The following YES1 variants were observed in gnomAD, a reference collection of about 807,000 sequenced individuals.
The protein encoded by YES1 is tyrosine-protein kinase Yes.
Under a neutral mutation model 70.4 loss-of-function variants are expected in YES1, and 39 were observed. The observed-to-expected ratio is 0.55, with a 90% CI of 0.43 to 0.72. The LOEUF (loss-of-function observed/expected upper bound fraction) is 0.72, where lower values mean the gene tolerates loss of function less well. Among genes scored for constraint, YES1 ranks in the 30% least tolerant of loss-of-function variants. The pLI is 0.00. For synonymous variants in YES1, 198 were observed against 218.6 expected, an observed-to-expected ratio of 0.91 and a Z score of 0.83; for missense variants, 495 against 644.8, an observed-to-expected ratio of 0.77 and a Z score of 2.52.
At chr18:765,558 C>T (rs559637150) in intron 1 of YES1, among the ~76,000 whole-genome samples, 9 of 151,804 alleles carry the variant, frequency 5.9e-5, no homozygotes, top group African/African-American at 1.4e-4. Flanking sequence ...ACCACCACAC[C>T]CAGCTAATTT....
intron 11 of YES1, among the ~76,000 whole-genome samples, chr18:731,269 A>G (rs2080084630): frequency 6.6e-6 from 1 of 152,232 alleles, no homozygotes; most frequent in African/African-American, 2.4e-5. Context: ...AGTTCAAGCT[A>G]CAAGAGACCA....
chr18:749,169 A>T (rs993889057), intron 3 of YES1, among the ~76,000 whole-genome samples: 1 of 151,572 alleles, frequency 6.6e-6, no homozygotes, highest in Non-Finnish European at 1.5e-5. Flanking sequence ...TAAAAAAAAC[A>T]AAGAAACAAA....
intron 1 of YES1, among the ~76,000 whole-genome samples, chr18:810,074 G>GT (rs1907297711): frequency 6.7e-6 from 1 of 149,598 alleles, no homozygotes; most frequent in South Asian, 2.1e-4. Flanking sequence ...TTAAAAAATT[G>GT]TTTTGGCATT....
chr18:772,422 C>T (rs1905201224), intron 1 of YES1, among the ~76,000 whole-genome samples: 1 of 151,714 alleles, frequency 6.6e-6, no homozygotes, highest in Non-Finnish European at 1.5e-5. Flanking sequence ...GTGGATTAAG[C>T]ATCTCTATTT....
At chr18:792,587 A>G (rs543393623) in intron 1 of YES1, among the ~76,000 whole-genome samples, 234 of 149,546 alleles carry the variant, frequency 1.6e-3, no homozygotes, top group African/African-American at 5.2e-3. Flanking sequence ...GTGTGTGTGT[A>G]TATACATATA....
At chr18:755,452 A>G (rs1453368686) in intron 2 of YES1, among the ~76,000 whole-genome samples, 1 of 151,976 alleles carries the variant, frequency 6.6e-6, no homozygotes, top group Non-Finnish European at 1.5e-5. Flanking sequence ...GTGTTTTGCC[A>G]TGTTGCCCAG....
At chr18:731,633 T>C (rs2080088169) in intron 11 of YES1, among the ~76,000 whole-genome samples, 1 of 152,308 alleles carries the variant, frequency 6.6e-6, no homozygotes, top group Middle Eastern at 3.4e-3. Context: ...GAATTTCAAG[T>C]GAGCTAAAAT....
intron 1 of YES1, among the ~76,000 whole-genome samples, chr18:785,421 GAGA>G (rs1198345389): frequency 6.6e-6 from 1 of 152,148 alleles, no homozygotes; most frequent in Non-Finnish European, 1.5e-5. Flanking sequence ...TGTTAGGGGG[GAGA>G]AAGAGAAACA....
chr18:792,663 G>C (rs1176970966), intron 1 of YES1, among the ~76,000 whole-genome samples: 1 of 151,264 alleles, frequency 6.6e-6, no homozygotes, highest in South Asian at 2.1e-4. Context: ...GGAGCAGCAG[G>C]AGCAGCAGCA....
At chr18:764,624 A>G (rs1904772864) in intron 1 of YES1, among the ~76,000 whole-genome samples, 1 of 152,240 alleles carries the variant, frequency 6.6e-6, no homozygotes, top group Admixed American at 6.5e-5. Flanking sequence ...TTTTAGGTTC[A>G]TGCTGTGAAG....
chr18:808,255 C>A (rs1235786166), intron 1 of YES1, among the ~76,000 whole-genome samples: 1 of 152,170 alleles, frequency 6.6e-6, no homozygotes, highest in Non-Finnish European at 1.5e-5. Context: ...GCAGCACTGG[C>A]TCTTCTCTTT....
At chr18:797,208 C>T (rs1217948935) in intron 1 of YES1, among the ~76,000 whole-genome samples, 1 of 152,038 alleles carries the variant, frequency 6.6e-6, no homozygotes, top group Non-Finnish European at 1.5e-5. Context: ...AGATTATGAG[C>T]AAGCAGTTCA....
chr18:728,680 C>T (rs2080050121), intron 11 of YES1, among the ~76,000 whole-genome samples: 1 of 152,170 alleles, frequency 6.6e-6, no homozygotes, highest in South Asian at 2.1e-4. Flanking sequence ...TGTGTGCCAC[C>T]ATGCCCAGCT....
intron 1 of YES1, among the ~76,000 whole-genome samples, chr18:804,028 TTTGTTTTA>T (rs1431851622): frequency 1.3e-5 from 2 of 152,242 alleles, no homozygotes; most frequent in African/African-American, 4.8e-5. Context: ...TTTTAGTTTC[TTTGTTTTA>T]GAAAATCTAT....
intron 1 of YES1, among the ~76,000 whole-genome samples, chr18:786,133 C>A (rs978809989): frequency 1.3e-5 from 2 of 151,784 alleles, no homozygotes; most frequent in African/African-American, 4.8e-5. Context: ...TATAGCAACA[C>A]AAAATAAACT....
intron 2 of YES1, among the ~76,000 whole-genome samples, chr18:754,510 A>G (rs1279205678): frequency 6.6e-6 from 1 of 152,132 alleles, no homozygotes; most frequent in Non-Finnish European, 1.5e-5. Context: ...GTTTAAGACC[A>G]GCCTGGCCAA....
At position 781,653 on chromosome 18, in the gene YES1, T is replaced by C. The variant is rs115199938; in HGVS notation, c.-8-24818A>G. On this transcript the variant is annotated intron_variant, in intron 1 of 11. Coordinates refer to ENST00000314574, the MANE Select transcript of YES1 (RefSeq NM_005433.4). ...GCCCAATGAATATTTTTACAGATCA[T>C]GAATACAAACTGACTTTGGAGTCAG... Among the ~76,000 whole-genome samples, 386 of 152,338 alleles carry C rather than the reference T, an allele frequency of 2.5e-3. 3 individuals carry two copies. The highest frequency in any genetic ancestry group is 8.5e-3 in the African/African-American group (353 of 41,590).
At chr18:808,135 C>T (rs921376805) in intron 1 of YES1, among the ~76,000 whole-genome samples, 8 of 152,152 alleles carry the variant, frequency 5.3e-5, no homozygotes, top group Non-Finnish European at 4.4e-5. Flanking sequence ...AAGGTAAACC[C>T]AACGCAGACC....
In YES1 at chr18:756,714, T is replaced by G. The variant is rs754829021; in HGVS notation, c.114A>C (p.Thr38=). 6.2e-7 allele frequency: 1 copy of G among 1,614,198 alleles called. No homozygotes were observed. Among genetic ancestry groups the G allele is most frequent in the Non-Finnish European group, 8.5e-7 (1 of 1,180,036 alleles). ...SVSHYGAEPT[T]VSPCPSSSAK... ...CTGAAGATGACGGACATGGTGACAC[T>G]GTAGTGGGTTCTGCTCCATAATGGC... The change falls in exon 2 of 12, where the codon ACA becomes ACC. Residue 38 remains threonine, a synonymous_variant. Transcript: ENST00000314574.
Sources: allele counts gnomAD v4.1 joint callset (sites outside exome capture counted in the v4.1 genomes callset), GRCh38; gene constraint gnomAD v4.1.1; transcripts MANE v1.5; gene names NCBI Gene and HGNC (gene_info 2026-07-23, HGNC 2026-07-21).